The following BPTF variants were observed in gnomAD, a reference collection of about 807,000 sequenced individuals.
BPTF encodes the protein bromodomain PHD finger transcription factor.
Under a neutral mutation model 292.5 loss-of-function variants are expected in BPTF, and 18 were observed. That is an observed-to-expected ratio of 0.06 (90% confidence interval 0.04 to 0.09). BPTF has a LOEUF of 0.09. Ranked by LOEUF, BPTF falls within the 10% of genes least tolerant of loss-of-function variation. BPTF has a pLI of 1.00. For missense variants in BPTF, 2,726 were observed against 3,498.7 expected (o/e 0.78, Z 5.57); for synonymous variants, 1,225 against 1,251.9 (o/e 0.98, Z 0.45).
At chr17:67,957,720 G>A (rs1197005590) in intron 23 of BPTF, among the ~76,000 whole-genome samples, 17 of 152,174 alleles carry the variant, frequency 1.1e-4, no homozygotes, top group Admixed American at 7.2e-4. Flanking sequence ...AATTAGCTGG[G>A]CATGGTAGTG....
chr17:67,933,245 T>C lies in BPTF; in HGVS notation c.6259+1226T>C, dbSNP rs578179880. ...TGTACTCCAGCCTGGGCAAAAAGAG[T>C]GAGACTCCGTCTGAAGGAAAAAAAA... On this transcript the variant is annotated intron_variant, in intron 18 of 27. Transcript: ENST00000306378. 3.1e-5 allele frequency among the ~76,000 whole-genome samples: 4 copies of C among 127,868 alleles called. No homozygotes were observed. The South Asian group carries it at 9.8e-4, about 31-fold the overall frequency. 83.9% of individuals were successfully genotyped at this position (127,868 alleles called of 152,430 possible).
chr17:67,889,578 C>T (rs977690994), intron 4 of BPTF, among the ~76,000 whole-genome samples: 14 of 152,090 alleles, frequency 9.2e-5, no homozygotes, highest in South Asian at 8.3e-4. Flanking sequence ...GAGGCTGAGA[C>T]GGGTGGATCA....
intron 1 of BPTF, among the ~76,000 whole-genome samples, chr17:67,833,708 A>G (rs1289786468): frequency 6.6e-6 from 1 of 151,808 alleles, no homozygotes; most frequent in Non-Finnish European, 1.5e-5. Flanking sequence ...AGCTGGGACT[A>G]CAGGTGTGTG....
intron 17 of BPTF, among the ~76,000 whole-genome samples, chr17:67,930,319 C>A (rs2064267090): frequency 6.6e-6 from 1 of 151,880 alleles, no homozygotes; most frequent in Admixed American, 6.6e-5. Flanking sequence ...CTGCCTCAGC[C>A]TCTCAAGTAG....
At position 67,958,456 on chromosome 17, in the gene BPTF, T is replaced by C. The variant is rs536160677; in HGVS notation, c.7927-1085T>C. 2.0e-5 allele frequency among the ~76,000 whole-genome samples: 3 copies of C among 151,796 alleles called. No individual in the cohort carries two copies. The East Asian group carries it at 5.9e-4, about 30-fold the overall frequency. On this transcript the variant is annotated intron_variant, in intron 23 of 27. Coordinates refer to ENST00000306378, the MANE Select transcript of BPTF (RefSeq NM_182641.4). ...AAATATATGAAAAGGGGCCAGGCAG[T>C]GTGGCTCACACCTGTAATCCCAGGA...
intron 21 of BPTF, among the ~76,000 whole-genome samples, chr17:67,947,195 TA>T (rs2065876631): frequency 1.3e-5 from 2 of 152,210 alleles, no homozygotes; most frequent in African/African-American, 2.4e-5. Flanking sequence ...GTAGTATTCT[TA>T]TGAAAATGAC....
At position 67,981,472 on chromosome 17, in the gene BPTF, CAG is replaced by C. The variant is rs1555696627; in HGVS notation, c.8727-778_8727-777del. On this transcript the variant is annotated intron_variant, in intron 27 of 27. Transcript: ENST00000306378. The stretch of plus-strand genomic sequence containing the variant: ...TTTAGTCTGAATTTTTAACTGGAAT[CAG>C]AACTGGATGTTGGGGTCACTCTTTG... 4 of 1,240,846 alleles carry C rather than the reference CAG, an allele frequency of 3.2e-6. No homozygotes were observed. In the Admixed American group the frequency reaches 8.8e-5, roughly 27 times the overall value. 76.9% of individuals were successfully genotyped at this position (1,240,846 alleles called of 1,614,324 possible). A position where few individuals can be genotyped will look rare whatever the true frequency, so the allele number is the denominator to read the frequency against.
In BPTF at chr17:67,893,379, G is replaced by A. The variant is rs1189588103; in HGVS notation, c.2065G>A (p.Val689Ile). Reference protein sequence around the residue: ...LFKEGKEVLVVNSQGEISRLS... With the variant: ...LFKEGKEVLVINSQGEISRLS... ...TTATTTTTTTGGTCAGGTACTGGTAGTTAACTCTCAAGGAGAAATTTCACG... is the reference window on the plus strand; with the variant it reads ...TTATTTTTTTGGTCAGGTACTGGTAATTAACTCTCAAGGAGAAATTTCACG... The change falls in exon 6 of 28, where the codon GTT becomes ATT. Residue 689 changes from valine (V) to isoleucine (I), a missense_variant. Physicochemically the swap from Val to Ile is conservative, Grantham distance 29 (BLOSUM62 3). Coordinates refer to ENST00000306378, the MANE Select transcript of BPTF (RefSeq NM_182641.4). 1.2e-6 allele frequency: 2 copies of A among 1,613,196 alleles called. No individual in the cohort carries two copies. The highest frequency in any genetic ancestry group is 1.1e-5 in the South Asian group (1 of 91,050).
chr17:67,871,949 C>T (rs934193493), intron 3 of BPTF, among the ~76,000 whole-genome samples: 1 of 152,094 alleles, frequency 6.6e-6, no homozygotes, highest in African/African-American at 2.4e-5. Flanking sequence ...TCTCAGCCTC[C>T]CAGGTAGCTG....
At chr17:67,934,519 C>CA (rs947585458) in intron 18 of BPTF, among the ~76,000 whole-genome samples, 153 of 135,586 alleles carry the variant, frequency 1.1e-3, no homozygotes, top group East Asian at 1.9e-3. Flanking sequence ...AACTCTGTCT[C>CA]AAAAAAAAAA....
At chr17:67,848,031 A>G (rs1394145447) in intron 1 of BPTF, among the ~76,000 whole-genome samples, 3 of 152,188 alleles carry the variant, frequency 2.0e-5, no homozygotes, top group Admixed American at 1.3e-4. Context: ...CCCCTTCTCT[A>G]TACCAATACC....
chr17:67,947,950 G>T, intron 22 of BPTF, 131 bp from the exon 23 acceptor site: 2 of 1,244,686 alleles, frequency 1.6e-6, no homozygotes, highest in Non-Finnish European at 2.3e-6. Context: ...CTCATAACTG[G>T]TTTGAACCAC....
chr17:67,928,896 G>C lies in BPTF; in HGVS notation c.5998+295G>C. ...TTTCATGCATTGGTGCCCTTTCCTA[G>C]AAGTCACTACGTTGCTGGTTATTTT... is the stretch of plus-strand genomic sequence containing the variant. On this transcript the variant is annotated intron_variant, in intron 16 of 27. Transcript: ENST00000306378. 2.5e-6 allele frequency: 3 copies of C among 1,182,808 alleles called. No individual in the cohort carries two copies. The South Asian group carries it at 7.1e-5, about 28-fold the overall frequency. The allele number at this position is 1,182,808 out of a possible 1,614,324, so 73.3% of individuals were successfully genotyped here.
intron 3 of BPTF, among the ~76,000 whole-genome samples, chr17:67,868,697 A>G (rs762180260): frequency 4.6e-5 from 7 of 152,168 alleles, no homozygotes; most frequent in African/African-American, 1.2e-4. Flanking sequence ...ATATAATCCT[A>G]TTAATTTTCC....
chr17:67,961,680 G>A (rs1239377886), intron 24 of BPTF, among the ~76,000 whole-genome samples: 1 of 152,046 alleles, frequency 6.6e-6, no homozygotes, highest in Non-Finnish European at 1.5e-5. Flanking sequence ...GACCCCGTCT[G>A]TACAAAAAAT....
intron 7 of BPTF, among the ~76,000 whole-genome samples, chr17:67,896,371 AAGGAAAACATTTGGAGAGGGTGGG>A (rs2061452858): frequency 6.6e-6 from 1 of 152,212 alleles, no homozygotes; most frequent in Admixed American, 6.5e-5. Flanking sequence ...TTTACAATAG[AAGGAAAACATTTGGAGAGGGTGGG>A]AGGGGCACAA....
intron 7 of BPTF, among the ~76,000 whole-genome samples, chr17:67,895,298 A>C (rs1057462382): frequency 7.4e-6 from 1 of 134,278 alleles, no homozygotes; most frequent in African/African-American, 2.9e-5. Flanking sequence ...GCACCACTGC[A>C]CTCCAGCCTG....
At chr17:67,864,867 C>T (rs1437811437) in intron 2 of BPTF, among the ~76,000 whole-genome samples, 2 of 151,620 alleles carry the variant, frequency 1.3e-5, no homozygotes, top group African/African-American at 2.4e-5. Flanking sequence ...TGAACTGGCG[C>T]GAACTCGGCT....
chr17:67,842,817 CAAAAAAAAAAA>C (rs60085248), intron 1 of BPTF, among the ~76,000 whole-genome samples: 18 of 47,806 alleles, frequency 3.8e-4, no homozygotes, highest in African/African-American at 1.1e-3. Flanking sequence ...CAATTAAGGC[CAAAAAAAAAAA>C]AAAAAAAAAA....
Sources: gnomAD v4.1 joint callset for allele counts (sites outside exome capture counted in the v4.1 genomes callset) on GRCh38, gnomAD v4.1.1 for gene constraint, MANE v1.5 for transcripts, NCBI Gene and HGNC (gene_info 2026-07-23, HGNC 2026-07-21) for gene names.